The following MGAT5B variants were observed in gnomAD, a reference collection of about 807,000 sequenced individuals.
MGAT5B encodes N-acetylglucosaminyl-transferase Vb.
A neutral mutation model predicts 95.1 loss-of-function variants in MGAT5B; 54 were observed. The ratio of observed to expected loss-of-function variants is 0.57; its 90% confidence interval spans 0.46 to 0.71. The LOEUF is 0.71. MGAT5B is among the 30% of genes least tolerant of loss of function. The pLI is 0.00. For missense variants in MGAT5B, 935 were observed against 1,088.6 expected (o/e 0.86, Z 1.99); for synonymous variants, 464 against 451.0 (o/e 1.03, Z -0.36).
At chr17:76,924,367 AG>A (rs1969225903) in intron 8 of MGAT5B, 1 of 152,560 alleles carries the variant, frequency 6.6e-6, no homozygotes, top group African/African-American at 2.4e-5. Context: ...TGCGTCTTCC[AG>A]GTCACCAGAG....
At position 76,905,274 on chromosome 17, in the gene MGAT5B, G is replaced by A. The variant is rs747913355; in HGVS notation, c.796G>A (p.Ala266Thr). 1 of 1,611,274 alleles carries A rather than the reference G, an allele frequency of 6.2e-7. No homozygotes were observed. The highest frequency in any genetic ancestry group is 8.5e-7 in the Non-Finnish European group (1 of 1,178,266). Residue 266 changes from alanine to threonine, a missense_variant, in exon 7 of 18, where the codon GCG becomes ACG. Ala to Thr is a moderately conservative substitution (Grantham distance 58). Coordinates refer to ENST00000569840, the MANE Select transcript of MGAT5B (RefSeq NM_001199172.2). The surrounding 1 kb of genome is among the most constrained non-coding windows in gnomAD (Gnocchi z 4.2). Reference protein sequence around the residue: ...KRTKRLTAQWALAAQRLAQKL... With the variant: ...KRTKRLTAQWTLAAQRLAQKL... Reference sequence around the variant, plus strand: ...GACCAAGAGGCTCACAGCCCAGTGGGCGCTGGCTGCCCAGCGCCTGGCACA... The same window carrying A: ...GACCAAGAGGCTCACAGCCCAGTGGACGCTGGCTGCCCAGCGCCTGGCACA...
chr17:76,901,219 A>G (rs1392205738), intron 3 of MGAT5B, among the ~76,000 whole-genome samples: 2 of 152,152 alleles, frequency 1.3e-5, no homozygotes, highest in Non-Finnish European at 2.9e-5. Context: ...CACTAGGCTC[A>G]GAAGAGGAGG....
rs531581206 is a variant in MGAT5B, at chr17:76,940,927, C to G, written c.1848+79C>G. The G allele has an allele frequency of 1.7e-4, 220 of 1,267,514 alleles. 3 individuals are homozygous for G. In the South Asian group the frequency reaches 2.7e-3, roughly 15 times the overall value. The allele number at this position is 1,267,514 out of a possible 1,614,324, so 78.5% of individuals were successfully genotyped here. ...TCACTCTGATTAGAAAACGGTGCCC[C>G]CCTCTGGGTGAGTTCAGACTTGCAG... On this transcript the variant is annotated intron_variant, in intron 15 of 17. Transcript: ENST00000569840. This position sits in a 1 kb window ranked among gnomAD's most constrained non-coding sequence, Gnocchi z 4.3.
At position 76,868,451 on chromosome 17, in the gene MGAT5B, G is replaced by C. The variant is rs904832858; in HGVS notation, c.-579G>C. The C allele has an allele frequency of 6.6e-6, 1 of 150,672 alleles. No individual in the cohort carries two copies. Among genetic ancestry groups the C allele is most frequent in the Non-Finnish European group, 1.5e-5 (1 of 67,500 alleles). 9.3% of individuals were successfully genotyped at this position (150,672 alleles called of 1,614,324 possible). A position where few individuals can be genotyped will look rare whatever the true frequency, so the allele number is the denominator to read the frequency against. ...ACAATGCGGCGCCTCCGGGCGTAGC[G>C]TCGCGCGGGGCCGGACGCCGGACAC... On this transcript the variant is annotated 5_prime_UTR_variant, in exon 1 of 18. Coordinates refer to ENST00000569840, the MANE Select transcript of MGAT5B (RefSeq NM_001199172.2). This position sits in a 1 kb window ranked among gnomAD's most constrained non-coding sequence, Gnocchi z 6.3.
At chr17:76,894,746 C>T (rs1259163552) in intron 3 of MGAT5B, among the ~76,000 whole-genome samples, 1 of 151,448 alleles carries the variant, frequency 6.6e-6, no homozygotes, top group Non-Finnish European at 1.5e-5. Flanking sequence ...CCCAGCTACT[C>T]AGGAGGCTGA....
At chr17:76,909,377 C>T (rs1414054106) in intron 8 of MGAT5B, among the ~76,000 whole-genome samples, 1 of 152,214 alleles carries the variant, frequency 6.6e-6, no homozygotes, top group Non-Finnish European at 1.5e-5. Context: ...GAGATTATTC[C>T]TCAGGGCCTT....
chr17:76,888,386 C>T (rs1967741313), intron 3 of MGAT5B, among the ~76,000 whole-genome samples: 1 of 152,102 alleles, frequency 6.6e-6, no homozygotes, highest in Non-Finnish European at 1.5e-5. Flanking sequence ...TCCCCTGCTC[C>T]GGCGCTCATG....
In MGAT5B at chr17:76,882,263, C is replaced by T. The variant is rs750849826; in HGVS notation, c.294C>T (p.His98=). 6.2e-7 allele frequency: 1 copy of T among 1,613,208 alleles called. No individual in the cohort carries two copies. Among genetic ancestry groups the T allele is most frequent in the Non-Finnish European group, 8.5e-7 (1 of 1,179,748 alleles). ...GGCTGGAGAACAGCAGTGAGCTGCA[C>T]CGGGCCGGCGGCGACCTGCACTTTC... ...LARLENSSEL[H]RAGGDLHFPA... is the part of the protein sequence containing the mutation. The change falls in exon 3 of 18, where the codon CAC becomes CAT. Residue 98 remains histidine, a synonymous_variant. Coordinates refer to ENST00000569840, the MANE Select transcript of MGAT5B (RefSeq NM_001199172.2).
At chr17:76,908,130 G>T (rs1034995335) in intron 8 of MGAT5B, among the ~76,000 whole-genome samples, 11 of 151,892 alleles carry the variant, frequency 7.2e-5, no homozygotes, top group African/African-American at 2.2e-4. Flanking sequence ...ATTTCTTTAT[G>T]GTTTTTTGGG....
intron 8 of MGAT5B, among the ~76,000 whole-genome samples, chr17:76,907,053 T>G (rs1968557092): frequency 1.3e-5 from 2 of 151,124 alleles, no homozygotes; most frequent in South Asian, 4.2e-4. Flanking sequence ...ATTATTCCTT[T>G]GCTTTTTTTT....
At chr17:76,933,397 A>G in intron 12 of MGAT5B, 100 bp downstream of exon 12, 2 of 1,485,596 alleles carry the variant, frequency 1.3e-6, no homozygotes, top group Admixed American at 3.5e-5. Context: ...CTCCTGACTC[A>G]GGCTCTCTGG....
chr17:76,946,555 A>C, intron 16 of MGAT5B, 105 bp downstream of exon 16: 3 of 934,550 alleles, frequency 3.2e-6, no homozygotes, highest in Non-Finnish European at 4.5e-6. Flanking sequence ...AAACCATCCA[A>C]CTCCCTGCTC....
rs746943095 is a variant in MGAT5B at position 76,938,051 on chromosome 17, G to A, written c.1492G>A (p.Glu498Lys). The A allele has an allele frequency of 6.2e-6, 10 of 1,614,116 alleles. No homozygotes were observed. Among genetic ancestry groups the A allele is most frequent in the African/African-American group, 5.3e-5 (4 of 74,942 alleles). The change falls in exon 13 of 18, where the codon GAG becomes AAG. Residue 498 changes from glutamate (E) to lysine (K), a missense_variant. Coordinates refer to ENST00000569840, the MANE Select transcript of MGAT5B (RefSeq NM_001199172.2). The surrounding 1 kb of genome is among the most constrained non-coding windows in gnomAD (Gnocchi z 4.3). ...GGAGATCCATGGCACCGTGTACTAC[G>A]AGAGCCAGCGGCCCCCCGAGGTGCC... ...YMEIHGTVYY[E>K]SQRPPEVPAF...
chr17:76,900,130 G>T (rs193226624), intron 3 of MGAT5B, among the ~76,000 whole-genome samples: 101 of 152,090 alleles, frequency 6.6e-4, no homozygotes, highest in African/African-American at 2.4e-3. Flanking sequence ...ACCTGCCCAG[G>T]GTCACATAGC....
At chr17:76,948,560 TG>T in intron 17 of MGAT5B, 79 bp from the exon 18 acceptor site, 1 of 1,394,714 alleles carries the variant, frequency 7.2e-7, no homozygotes, top group East Asian at 2.4e-5. Flanking sequence ...AGGACTAGGC[TG>T]GGGGCAGCCC....
intron 10 of MGAT5B, among the ~76,000 whole-genome samples, chr17:76,928,188 C>T (rs1453940845): frequency 3.9e-5 from 6 of 152,158 alleles, no homozygotes; most frequent in Admixed American, 1.3e-4. Flanking sequence ...ACAGCTCAGT[C>T]GGGACCAGAC....
intron 15 of MGAT5B, among the ~76,000 whole-genome samples, chr17:76,945,206 C>T (rs527814139): frequency 8.1e-4 from 124 of 152,298 alleles, no homozygotes; most frequent in Non-Finnish European, 1.5e-3. Context: ...TGTCACTCTT[C>T]CCTCCACTCC....
At position 76,872,851 on chromosome 17, in the gene MGAT5B, G is replaced by A; in HGVS notation, c.69G>A (p.Arg23=). Residue 23 remains arginine (R), a splice_region_variant and synonymous_variant, in exon 2 of 18, where the codon CGG becomes CGA. Transcript: ENST00000569840. ...TGACCCGCCTCCTTCCTCTCCGCAG[G>A]CTTTTTGTCCTGGGCATCGGCTTCT... is the stretch of plus-strand genomic sequence containing the variant. ...RRCLVTLRPF[R]LFVLGIGFFT... 1 of 1,614,190 alleles carries A rather than the reference G, an allele frequency of 6.2e-7. No individual in the cohort carries two copies. The highest frequency in any genetic ancestry group is 8.5e-7 in the Non-Finnish European group (1 of 1,180,036).
chr17:76,898,742 AAGTT>A (rs1273083013), intron 3 of MGAT5B, among the ~76,000 whole-genome samples: 1 of 152,098 alleles, frequency 6.6e-6, no homozygotes, highest in Non-Finnish European at 1.5e-5. Flanking sequence ...TTACATGAGT[AAGTT>A]CTTTAGTGGT....
Sources: allele counts gnomAD v4.1 joint callset (sites outside exome capture counted in the v4.1 genomes callset), GRCh38; gene constraint gnomAD v4.1.1; non-coding constraint Gnocchi (gnomAD v3.1); transcripts MANE v1.5; gene names NCBI Gene and HGNC (gene_info 2026-07-23, HGNC 2026-07-21).